Variants in FTO observed in about 807,000 individuals in gnomAD.
FTO encodes alpha-ketoglutarate-dependent dioxygenase FTO.
FTO carries 47 observed loss-of-function variants against 63.9 expected under a neutral mutation model. The ratio of observed to expected loss-of-function variants is 0.74; its 90% CI spans 0.58 to 0.94. The LOEUF (loss-of-function observed/expected upper bound fraction) is 0.94, where lower values mean the gene tolerates loss of function less well. Among genes scored for constraint, FTO ranks in the 40% least tolerant of loss-of-function variants. The pLI is 0.00. For synonymous variants in FTO, 207 were observed against 224.4 expected (o/e 0.92, Z 0.69); for missense variants, 562 against 618.1 (o/e 0.91, Z 0.96).
Position 53,959,556 on chromosome 16 carries a change from G to C in FTO, c.1364+25447G>C, listed in dbSNP as rs370058973. Among the ~76,000 whole-genome samples the C allele has an allele frequency of 1.4e-4, 21 of 151,614 alleles. No individual in the cohort carries two copies. The South Asian group carries it at 4.4e-3, about 32-fold the overall frequency. ...ATTGTCATTATAACTGTCATTTATT[G>C]AGTGTTTGTACTGGACACTTTTGTA... On this transcript the variant is annotated intron_variant, in intron 8 of 8. Coordinates refer to ENST00000471389, the MANE Select transcript of FTO (RefSeq NM_001080432.3).
intron 8 of FTO, among the ~76,000 whole-genome samples, chr16:54,086,316 A>G (rs781759302): frequency 3.3e-5 from 5 of 152,226 alleles, no homozygotes; most frequent in Non-Finnish European, 7.3e-5. Flanking sequence ...CCATCTGCAT[A>G]TAATCAGCAT....
intron 7 of FTO, among the ~76,000 whole-genome samples, chr16:53,921,462 G>A (rs546753977): frequency 5.9e-5 from 9 of 152,300 alleles, no homozygotes; most frequent in African/African-American, 1.7e-4. Context: ...ATAGTTAGCC[G>A]TTCTTCACCT....
intron 1 of FTO, among the ~76,000 whole-genome samples, chr16:53,746,963 C>A (rs1238340925): frequency 3.3e-5 from 5 of 152,184 alleles, no homozygotes; most frequent in Non-Finnish European, 7.3e-5. Context: ...ATTTGTCCTT[C>A]TGTACCTGGC....
chr16:53,846,801 C>CAAAAAA (rs55982417), intron 4 of FTO, among the ~76,000 whole-genome samples: 1 of 106,898 alleles, frequency 9.4e-6, no homozygotes, highest in Non-Finnish European at 2.0e-5. Flanking sequence ...GACTCAGTCT[C>CAAAAAA]AAAAAAAAAA....
intron 4 of FTO, among the ~76,000 whole-genome samples, chr16:53,869,500 T>TA (rs2080431258): frequency 6.6e-6 from 1 of 151,946 alleles, no homozygotes; most frequent in Non-Finnish European, 1.5e-5. Context: ...TGTTATTCCA[T>TA]TATACATATA....
At chr16:53,986,556 G>C (rs191166271) in intron 8 of FTO, among the ~76,000 whole-genome samples, 5 of 152,114 alleles carry the variant, frequency 3.3e-5, no homozygotes, top group East Asian at 3.8e-4. Flanking sequence ...ATACAAAAAG[G>C]GTACTCTGAT....
At chr16:54,088,377 A>G (rs1308229979) in intron 8 of FTO, among the ~76,000 whole-genome samples, 1 of 152,206 alleles carries the variant, frequency 6.6e-6, no homozygotes, top group Non-Finnish European at 1.5e-5. Context: ...TTTTGCTTCC[A>G]GGTTTTCAGA....
intron 4 of FTO, among the ~76,000 whole-genome samples, chr16:53,860,425 G>A (rs2080137363): frequency 6.6e-6 from 1 of 152,180 alleles, no homozygotes; most frequent in Non-Finnish European, 1.5e-5. Context: ...CTGTCACATT[G>A]CTGTGAAGAA....
In FTO at chr16:54,073,110, T is replaced by C. The variant is rs1328474041; in HGVS notation, c.1365-38652T>C. On this transcript the variant is annotated intron_variant, in intron 8 of 8. Coordinates refer to ENST00000471389, the MANE Select transcript of FTO (RefSeq NM_001080432.3). The stretch of plus-strand genomic sequence containing the variant: ...CAATCAATAAACCAATAATTGTTGA[T>C]CCACCAAAAATTCACCTTTCTTCCT... Among the ~76,000 whole-genome samples the C allele has an allele frequency of 2.6e-5, 4 of 152,266 alleles. No individual in the cohort carries two copies. In the East Asian group the frequency reaches 7.7e-4, roughly 29 times the overall value.
intron 8 of FTO, among the ~76,000 whole-genome samples, chr16:54,091,128 G>T (rs708250): frequency 2.0e-5 from 3 of 152,112 alleles, no homozygotes; most frequent in African/African-American, 7.3e-5. Context: ...GGTGTGGTCC[G>T]TTGGAGGCCA....
At chr16:53,940,357 T>A (rs532209878) in intron 8 of FTO, among the ~76,000 whole-genome samples, 1 of 152,332 alleles carries the variant, frequency 6.6e-6, no homozygotes, top group Non-Finnish European at 1.5e-5. Flanking sequence ...AGAAGCCTGT[T>A]AAGAATATTT....
chr16:53,895,229 T>TA (rs11412514), intron 7 of FTO, among the ~76,000 whole-genome samples: 107,361 of 151,950 alleles, frequency 0.71, 38,926 homozygotes, highest in East Asian at 0.84. Flanking sequence ...TTGATTATCT[T>TA]ATGAATTTCA....
At chr16:53,718,508 CTCCT>C (rs1290331998) in intron 1 of FTO, among the ~76,000 whole-genome samples, 3 of 152,002 alleles carry the variant, frequency 2.0e-5, no homozygotes, top group Admixed American at 2.0e-4. Flanking sequence ...ATACTCTCCT[CTCCT>C]TTTTTTTTCT....
In FTO at chr16:53,942,338, G is replaced by A. The variant is rs2082549844; in HGVS notation, c.1364+8229G>A. Among the ~76,000 whole-genome samples, 3 of 152,200 alleles carry A rather than the reference G, an allele frequency of 2.0e-5. No homozygotes were observed. The South Asian group carries it at 6.2e-4, about 32-fold the overall frequency. On this transcript the variant is annotated intron_variant, in intron 8 of 8. Coordinates refer to ENST00000471389, the MANE Select transcript of FTO (RefSeq NM_001080432.3). Reference sequence around the variant, plus strand: ...ATGCCATGTGCACAGGCTGACTCCAGTGTACTTGAGGAAGAGAACACCATG... The same window carrying A: ...ATGCCATGTGCACAGGCTGACTCCAATGTACTTGAGGAAGAGAACACCATG...
chr16:54,104,106 A>G (rs2086695585), intron 8 of FTO, among the ~76,000 whole-genome samples: 1 of 152,192 alleles, frequency 6.6e-6, no homozygotes, highest in Admixed American at 6.5e-5. Context: ...TGCCACACAA[A>G]TACACATTAG....
At chr16:53,805,333 A>G (rs1037817392) in intron 1 of FTO, among the ~76,000 whole-genome samples, 5 of 152,140 alleles carry the variant, frequency 3.3e-5, no homozygotes, top group Admixed American at 2.6e-4. Flanking sequence ...TCTCTATGTG[A>G]CAAGATATAC....
At chr16:54,058,526 G>T (rs1431900071) in intron 8 of FTO, among the ~76,000 whole-genome samples, 1 of 152,192 alleles carries the variant, frequency 6.6e-6, no homozygotes, top group South Asian at 2.1e-4. Context: ...GGTACCAAAA[G>T]CCCCAGTAAT....
chr16:53,961,189 G>A (rs1488960073), intron 8 of FTO, among the ~76,000 whole-genome samples: 2 of 151,058 alleles, frequency 1.3e-5, no homozygotes, highest in South Asian at 2.1e-4. Context: ...GCTCTGCATC[G>A]AGTGCAGCTT....
At chr16:53,790,459 G>A (rs1004443451) in intron 1 of FTO, among the ~76,000 whole-genome samples, 1 of 151,450 alleles carries the variant, frequency 6.6e-6, no homozygotes, top group Admixed American at 6.6e-5. Flanking sequence ...GCTCACACCT[G>A]TAATCCCAGC....
Sources: allele counts gnomAD v4.1 joint callset (sites outside exome capture counted in the v4.1 genomes callset), GRCh38; gene constraint gnomAD v4.1.1; transcripts MANE v1.5; gene names NCBI Gene and HGNC (gene_info 2026-07-23, HGNC 2026-07-21).